The following LPIN2 variants were observed in gnomAD, a reference collection of about 807,000 sequenced individuals.
LPIN2 encodes phosphatidate phosphatase LPIN2.
A neutral mutation model predicts 111.4 loss-of-function variants in LPIN2; 55 were observed. The observed-to-expected ratio is 0.49, with a 90% CI of 0.40 to 0.62. LPIN2 has a LOEUF of 0.62. Ranked by LOEUF, LPIN2 falls within the 20% of genes least tolerant of loss-of-function variation. The pLI is 0.00. For missense variants in LPIN2, 992 were observed against 1,112.1 expected, an observed-to-expected ratio of 0.89 and a Z score of 1.54; for synonymous variants, 425 against 414.0, an observed-to-expected ratio of 1.03 and a Z score of -0.32.
At chr18:2,929,973 C>A (rs73375264) in intron 9 of LPIN2, among the ~76,000 whole-genome samples, 4,010 of 152,202 alleles carry the variant, frequency 0.026, 175 homozygotes, top group African/African-American at 0.091. Context: ...AAAAACAAAA[C>A]AAGGCAAAAC....
intron 1 of LPIN2, among the ~76,000 whole-genome samples, chr18:2,972,014 T>C (rs533866549): frequency 1.3e-5 from 2 of 152,090 alleles, no homozygotes; most frequent in South Asian, 4.2e-4. Flanking sequence ...GCCACTGCAT[T>C]ACAGCCTGGG....
chr18:2,984,278 C>T lies in LPIN2; in HGVS notation c.-9-23429G>A, dbSNP rs1249895829. On this transcript the variant is annotated intron_variant, in intron 1 of 19. Transcript: ENST00000677752. Reference sequence around the variant, plus strand: ...CTTGCCTTCTAGCCCAGCATAGTATCGTGGACCTGCAGTACACCAAAGTGC... The same window carrying T: ...CTTGCCTTCTAGCCCAGCATAGTATTGTGGACCTGCAGTACACCAAAGTGC... Among the ~76,000 whole-genome samples the T allele has an allele frequency of 2.6e-5, 4 of 152,274 alleles. No individual in the cohort carries two copies. The East Asian group carries it at 5.8e-4, about 22-fold the overall frequency.
At chr18:2,959,392 T>C (rs2077672785) in intron 2 of LPIN2, among the ~76,000 whole-genome samples, 1 of 152,210 alleles carries the variant, frequency 6.6e-6, no homozygotes, top group Non-Finnish European at 1.5e-5. Flanking sequence ...CTCAGCTATA[T>C]AAAATAGCAA....
In LPIN2 at chr18:2,951,254, G is replaced by C. The variant is rs1447724746; in HGVS notation, c.391C>G (p.Pro131Ala). Residue 131 changes from proline to alanine, a missense_variant, in exon 4 of 20, where the codon CCA (proline) becomes GCA (alanine). By Grantham distance (27) the Pro-to-Ala change is conservative. Around this residue, in one of 4 missense-constraint regions of LPIN2, gnomAD observed 709 missense variants for 753.2 expected, o/e 0.94. Coordinates refer to ENST00000677752, the MANE Select transcript of LPIN2 (RefSeq NM_001375808.2). ...TGTGAGATGTCTGAACTCTGAGATG[G>C]TGTTTCATCTCCACCCGATTTCACC... ...PLVKSGGDET[P>A]SQSSDISHVL... 2 of 1,613,878 alleles carry C rather than the reference G, an allele frequency of 1.2e-6. No homozygotes were observed. The highest frequency in any genetic ancestry group is 2.2e-5 in the South Asian group (2 of 91,086).
intron 18 of LPIN2, chr18:2,921,187 G>C (rs900682200): frequency 1.1e-5 from 6 of 550,430 alleles, no homozygotes; most frequent in Non-Finnish European, 1.9e-5. Context: ...GGCAGGTTGG[G>C]AAGTGCTAGC....
chr18:2,987,108 G>T (rs2078198367), intron 1 of LPIN2, among the ~76,000 whole-genome samples: 1 of 152,094 alleles, frequency 6.6e-6, no homozygotes, highest in Non-Finnish European at 1.5e-5. Flanking sequence ...CTGTTCTGGG[G>T]TTATATCACC....
intron 9 of LPIN2, among the ~76,000 whole-genome samples, chr18:2,930,475 T>C (rs542146663): frequency 3.3e-5 from 5 of 152,212 alleles, no homozygotes; most frequent in Non-Finnish European, 7.3e-5. Context: ...CAGGAACACA[T>C]GGTCCTGAGC....
At chr18:2,976,383 C>T (rs546070230) in intron 1 of LPIN2, among the ~76,000 whole-genome samples, 5 of 152,128 alleles carry the variant, frequency 3.3e-5, no homozygotes, top group Non-Finnish European at 5.9e-5. Context: ...ACAGTCAGTA[C>T]TCTCAGTAAC....
chr18:2,980,081 G>A (rs1473638570), intron 1 of LPIN2, among the ~76,000 whole-genome samples: 1 of 152,186 alleles, frequency 6.6e-6, no homozygotes, highest in Non-Finnish European at 1.5e-5. Flanking sequence ...CAAGCCCAAA[G>A]TTACTAGCTA....
intron 2 of LPIN2, among the ~76,000 whole-genome samples, chr18:2,956,313 T>TGTGTGTGTGTGC (rs1215821402): frequency 3.5e-4 from 12 of 33,972 alleles, no homozygotes; most frequent in Non-Finnish European, 1.1e-3. Flanking sequence ...GATGCAGGGG[T>TGTGTGTGTGTGC]GTGTGTGTGT....
Position 2,926,747 on chromosome 18 carries a change from C to G in LPIN2, c.1769G>C (p.Ser590Thr). The change falls in exon 13 of 20, where the codon AGC becomes ACC. Residue 590 changes from serine to threonine, a missense_variant. Ser to Thr is a moderately conservative substitution (Grantham distance 58). Coordinates refer to ENST00000677752, the MANE Select transcript of LPIN2 (RefSeq NM_001375808.2). The part of the protein sequence containing the change: ...EAPPASDLPS[S>T]SKEPAGARPA... ...CCTGGCACCGGCCGGCTCCTTGGAG[C>G]TGGATGGCAGGTCACTGGCTGGCGG... 1 of 1,613,520 alleles carries G rather than the reference C, an allele frequency of 6.2e-7. No homozygotes were observed. The highest frequency in any genetic ancestry group is 1.1e-5 in the South Asian group (1 of 91,070).
At chr18:3,001,023 CA>C (rs1322987336) in intron 1 of LPIN2, among the ~76,000 whole-genome samples, 3 of 151,686 alleles carry the variant, frequency 2.0e-5, no homozygotes, top group African/African-American at 4.8e-5. Context: ...TGAGACTTCT[CA>C]AAAAAAGGTA....
intron 1 of LPIN2, among the ~76,000 whole-genome samples, chr18:3,004,127 G>C (rs535867120): frequency 6.6e-6 from 1 of 152,296 alleles, no homozygotes; most frequent in South Asian, 2.1e-4. Context: ...CTCTGCTCTT[G>C]AACCCTGTTT....
Position 2,925,323 on chromosome 18 carries a change from G to A in LPIN2, c.1839C>T (p.Leu613=), listed in dbSNP as rs886053766. Reference sequence around the variant, plus strand: ...TGGGGTCCACTGTGATGGATTCTTCGAGCTCCTGTGATCCCTCGTCACTCG... The same window carrying A: ...TGGGGTCCACTGTGATGGATTCTTCAAGCTCCTGTGATCCCTCGTCACTCG... ...DSSSDEGSQE[L]EESITVDPIP... is the part of the protein sequence containing the mutation. The change falls in exon 14 of 20, where the codon CTC becomes CTT. Residue 613 remains leucine (L), a synonymous_variant. Transcript: ENST00000677752. This position sits in a 1 kb window ranked among gnomAD's most constrained non-coding sequence, Gnocchi z 4.1. 1.1e-5 allele frequency: 18 copies of A among 1,614,034 alleles called. No homozygotes were observed. The highest frequency in any genetic ancestry group is 4.5e-5 in the East Asian group (2 of 44,880).
In LPIN2 at chr18:2,934,425, C is replaced by T. The variant is rs1464860246; in HGVS notation, c.1194G>A (p.Gln398=). 6.2e-7 allele frequency: 1 copy of T among 1,613,574 alleles called. No homozygotes were observed. Among genetic ancestry groups the T allele is most frequent in the African/African-American group, 1.3e-5 (1 of 74,998 alleles). The change falls in exon 8 of 20, where the codon CAG becomes CAA. Residue 398 remains glutamine, a synonymous_variant. Coordinates refer to ENST00000677752, the MANE Select transcript of LPIN2 (RefSeq NM_001375808.2). The part of the protein sequence containing the change: ...KKGVHKRSQH[Q]GPDDIYLDDL... ...CATCAAGGTAAATATCATCAGGTCC[C>T]TGGTGTTGGCTTCTTTTGTGAACAC...
intron 2 of LPIN2, 134 bp downstream of exon 2, chr18:2,960,515 A>T: frequency 2.6e-5 from 4 of 152,470 alleles, no homozygotes; most frequent in Non-Finnish European, 4.9e-5. Context: ...CATTCAGGTT[A>T]AAAAAAAAAA....
At chr18:3,004,174 C>T (rs978149788) in intron 1 of LPIN2, among the ~76,000 whole-genome samples, 8 of 152,198 alleles carry the variant, frequency 5.3e-5, no homozygotes, top group African/African-American at 1.7e-4. Context: ...ATGTGCACAG[C>T]AGGACATAGA....
chr18:2,951,553 G>C (rs976460831), intron 3 of LPIN2, among the ~76,000 whole-genome samples, 197 bp from the exon 4 acceptor site: 2 of 152,122 alleles, frequency 1.3e-5, no homozygotes, highest in Admixed American at 1.3e-4. Flanking sequence ...AGGCAGCTAA[G>C]TACCAGCCCA....
intron 1 of LPIN2, among the ~76,000 whole-genome samples, chr18:2,962,464 TA>T (rs1229856480): frequency 6.6e-6 from 1 of 152,096 alleles, no homozygotes; most frequent in African/African-American, 2.4e-5. Flanking sequence ...AAGTGCTCAA[TA>T]ATCATTTATT....
Sources: allele counts gnomAD v4.1 joint callset (sites outside exome capture counted in the v4.1 genomes callset), GRCh38; gene constraint gnomAD v4.1.1; regional missense constraint gnomAD v4.1.1; non-coding constraint Gnocchi (gnomAD v3.1); transcripts MANE v1.5; gene names NCBI Gene and HGNC (gene_info 2026-07-23, HGNC 2026-07-21).